Variants in CD1A observed in about 807,000 individuals in gnomAD.
The protein encoded by CD1A is T-cell surface glycoprotein CD1a.
CD1A carries 50 observed loss-of-function variants against 38.3 expected under a neutral mutation model. That is an observed-to-expected ratio of 1.30 (90% CI 1.04 to 1.65). CD1A has a LOEUF of 1.65. Ranked by LOEUF, CD1A falls within the 40% of genes most tolerant of loss-of-function variation. The pLI, the probability that CD1A is intolerant of heterozygous loss-of-function variation, is 0.00. For synonymous variants in CD1A, 160 were observed against 150.8 expected, an observed-to-expected ratio of 1.06 and a Z score of -0.45; for missense variants, 459 against 406.1, an observed-to-expected ratio of 1.13 and a Z score of -1.12.
At chr1:158,249,341 C>T in the CD1A span, among the ~76,000 whole-genome samples, 11 of 152,130 alleles carry the variant, frequency 7.2e-5, no homozygotes, top group Non-Finnish European at 1.5e-4. Context: ...AGTCCAAGAT[C>T]AAGGAAGATT....
rs141426527 is a variant in CD1A at position 158,257,016 on chromosome 1, C to G, written c.835C>G (p.Arg279Gly). Reference sequence around the variant, plus strand: ...TGGGGAGGCAGCTGACCTGTCCTGTCGGGTGAAGCACAGCAGTCTAGAGGG... The same window carrying G: ...TGGGGAGGCAGCTGACCTGTCCTGTGGGGTGAAGCACAGCAGTCTAGAGGG... ...AAGEAADLSC[R>G]VKHSSLEGQD... Residue 279 changes from arginine (R) to glycine (G), a missense_variant, in exon 4 of 6, where the codon CGG (arginine) becomes GGG (glycine). Transcript: ENST00000289429. 40 of 1,613,890 alleles carry G rather than the reference C, an allele frequency of 2.5e-5. No individual in the cohort carries two copies. The African/African-American group carries it at 4.5e-4, about 18-fold the overall frequency.
In CD1A at chr1:158,256,209, T is replaced by A. The variant is rs369560490; in HGVS notation, c.531T>A (p.Asn177Lys). The A allele has an allele frequency of 1.3e-5, 21 of 1,613,990 alleles. No individual in the cohort carries two copies. In the Middle Eastern group the frequency reaches 1.5e-3, roughly 114 times the overall value. Residue 177 changes from asparagine to lysine, a missense_variant, in exon 3 of 6, where the codon AAT becomes AAA. By Grantham distance (94) the Asn-to-Lys change is moderately conservative. Coordinates refer to ENST00000289429, the MANE Select transcript of CD1A (RefSeq NM_001763.3). ...AGCATGAAAATGACATAACACACAA[T>A]CTTCTCAGTGACACCTGCCCACGTT... ...QNQHENDITH[N>K]LLSDTCPRFI...
upstream of CD1A, among the ~76,000 whole-genome samples, chr1:158,251,088 GTATGT>G (rs774574232): frequency 3.3e-4 from 50 of 152,282 alleles, no homozygotes; most frequent in Non-Finnish European, 6.5e-4. Flanking sequence ...CATATATTTT[GTATGT>G]TATATGTATT....
chr1:158,254,401 A>G (rs759317988), upstream of CD1A: 101 of 1,300,906 alleles, frequency 7.8e-5, no homozygotes, highest in Admixed American at 4.0e-4. Flanking sequence ...GTTCCATAGC[A>G]GTTGAATTAG....
rs1253159682 is a variant in CD1A, at chr1:158,255,333, A to T, written c.308A>T (p.His103Leu). 1.2e-6 allele frequency: 2 copies of T among 1,613,964 alleles called. No individual in the cohort carries two copies. Among genetic ancestry groups the T allele is most frequent in the Non-Finnish European group, 1.7e-6 (2 of 1,179,852 alleles). ...TTTGAGGGAATTCGTAGATACGCCC[A>T]TGAATTGCAGTTTGAATGTGAGTTC... ...RSFEGIRRYA[H>L]ELQFEYPFEI... Residue 103 changes from histidine (H) to leucine (L), a missense_variant, in exon 2 of 6, where the codon CAT becomes CTT. His to Leu is a moderately conservative substitution (Grantham distance 99, BLOSUM62 -3). Coordinates refer to ENST00000289429, the MANE Select transcript of CD1A (RefSeq NM_001763.3).
rs375303462 is a variant in CD1A at position 158,256,127 on chromosome 1, C to T, written c.449C>T (p.Pro150Leu). Residue 150 changes from proline (P) to leucine (L), a missense_variant, in exon 3 of 6, where the codon CCA (proline) becomes CTA (leucine). Physicochemically the swap from Pro to Leu is moderately conservative, Grantham distance 98. Transcript: ENST00000289429. ...AGCTTCCAGAACAATTCATGGTTGC[C>T]ATATCCAGTGGCTGGGAATATGGCC... Reference protein sequence around the residue: ...FVSFQNNSWLPYPVAGNMAKH... With the variant: ...FVSFQNNSWLLYPVAGNMAKH... The T allele has an allele frequency of 6.6e-5, 106 of 1,614,022 alleles. No individual in the cohort carries two copies. The highest frequency in any genetic ancestry group is 8.8e-5 in the Non-Finnish European group (104 of 1,180,034).
rs1650174277 is a variant in CD1A, at chr1:158,254,521, A to C, written c.-149A>C. ...TGAGTAGGCATCTCAGGGTTTTTGAAGGAGTGGATTTTCTTTGTTGCAGTC... is the reference window on the plus strand; with the variant it reads ...TGAGTAGGCATCTCAGGGTTTTTGACGGAGTGGATTTTCTTTGTTGCAGTC... On this transcript the variant is annotated 5_prime_UTR_variant, in exon 1 of 6. Transcript: ENST00000289429. 2 of 1,490,906 alleles carry C rather than the reference A, an allele frequency of 1.3e-6. No homozygotes were observed. The highest frequency in any genetic ancestry group is 2.8e-5 in the African/African-American group (2 of 71,872). The allele number at this position is 1,490,906 out of a possible 1,614,324, so 92.4% of individuals were successfully genotyped here. A position where few individuals can be genotyped will look rare whatever the true frequency, so the allele number is the denominator to read the frequency against.
upstream of CD1A, among the ~76,000 whole-genome samples, chr1:158,250,749 C>G (rs539175053): frequency 6.6e-6 from 1 of 152,180 alleles, no homozygotes; most frequent in Non-Finnish European, 1.5e-5. Context: ...AGCTTTAGTG[C>G]CCTCATTTTG....
At chr1:158,250,819 C>T (rs1367607118), upstream of CD1A, among the ~76,000 whole-genome samples, 1 of 152,198 alleles carries the variant, frequency 6.6e-6, no homozygotes, top group Non-Finnish European at 1.5e-5. Flanking sequence ...GAGGGAGAAG[C>T]CTCATAAAGT....
chr1:158,256,645 G>A (rs868446690), intron 3 of CD1A, 141 bp from the exon 4 acceptor site: 16 of 962,322 alleles, frequency 1.7e-5, no homozygotes, highest in Middle Eastern at 3.3e-4. Context: ...CCACTGCATT[G>A]CAGCATAGTG....
upstream of CD1A, among the ~76,000 whole-genome samples, chr1:158,252,556 A>T (rs1234543303): frequency 6.6e-6 from 1 of 152,114 alleles, no homozygotes; most frequent in Non-Finnish European, 1.5e-5. Flanking sequence ...TCAAGTTATG[A>T]TTTTGATAAT....
At chr1:158,252,295 C>G (rs1650112034), upstream of CD1A, among the ~76,000 whole-genome samples, 1 of 152,104 alleles carries the variant, frequency 6.6e-6, no homozygotes, top group African/African-American at 2.4e-5. Context: ...TGGTGAGGTT[C>G]ATAGAAAAAG....
At position 158,257,060 on chromosome 1, in the gene CD1A, C is replaced by T. The variant is rs1558067427; in HGVS notation, c.879C>T (p.Tyr293=). 6.2e-7 allele frequency: 1 copy of T among 1,602,286 alleles called. No homozygotes were observed. The highest frequency in any genetic ancestry group is 8.5e-7 in the Non-Finnish European group (1 of 1,171,696). The part of the protein sequence containing the change: ...SSLEGQDIVL[Y]WEHHSSVGFI... ...TAGAGGGCCAGGACATCGTCCTCTA[C>T]TGGGGTGAGAAAAAGCTAAGGCCCA... The change falls in exon 4 of 6, where the codon TAC becomes TAT. Residue 293 remains tyrosine, a synonymous_variant. Coordinates refer to ENST00000289429, the MANE Select transcript of CD1A (RefSeq NM_001763.3).
At position 158,257,944 on chromosome 1, in the gene CD1A, G is replaced by T; in HGVS notation, c.*254G>T. The T allele has an allele frequency of 2.0e-6, 1 of 492,210 alleles. No homozygotes were observed. The highest frequency in any genetic ancestry group is 3.6e-6 in the Non-Finnish European group (1 of 275,352). The allele number at this position is 492,210 out of a possible 1,614,324, so 30.5% of individuals were successfully genotyped here. ...CAAATTTTATCTCCAGATGGAATGG[G>T]GTCCTAGCAACCTCCACATGTTCAA... On this transcript the variant is annotated 3_prime_UTR_variant, in exon 6 of 6. Transcript: ENST00000289429.
chr1:158,257,415 TCA>T lies in CD1A; in HGVS notation c.884-3_884-2del, dbSNP rs1448300850. ...TAACATCCTTGGTGTCTCCCCAAAT[TCA>T]CAGAGCATCACAGTTCCGTGGGCTT... On this transcript the variant is annotated splice_polypyrimidine_tract_variant and splice_region_variant and intron_variant, in intron 4 of 5. Coordinates refer to ENST00000289429, the MANE Select transcript of CD1A (RefSeq NM_001763.3). 6.8e-6 allele frequency: 11 copies of T among 1,609,680 alleles called. No individual in the cohort carries two copies. In the Admixed American group the frequency reaches 8.3e-5, roughly 12 times the overall value.
At chr1:158,255,966 AT>A (rs753262992) in intron 2 of CD1A, 37 bp from the exon 3 acceptor site, 13 of 1,575,462 alleles carry the variant, frequency 8.3e-6, no homozygotes, top group South Asian at 3.5e-5. Flanking sequence ...TTCATTTTAT[AT>A]TTTTTTCTCC....
At chr1:158,249,414 T>G in the CD1A span, among the ~76,000 whole-genome samples, 1 of 152,136 alleles carries the variant, frequency 6.6e-6, no homozygotes, top group African/African-American at 2.4e-5. Context: ...TGTCCTTACA[T>G]GGTGGAAGGG....
At chr1:158,255,035 C>A in intron 1 of CD1A, 49 bp from the exon 2 acceptor site, 1 of 1,588,248 alleles carries the variant, frequency 6.3e-7, no homozygotes, top group Non-Finnish European at 8.6e-7. Flanking sequence ...CTCTCTCCAT[C>A]CTCTTTCTCA....
intron 2 of CD1A, 126 bp downstream of exon 2, chr1:158,255,476 C>T: frequency 9.5e-7 from 1 of 1,047,394 alleles, no homozygotes; most frequent in Non-Finnish European, 1.4e-6. Context: ...CACCATAAAA[C>T]TGCAATTGCA....
Sources: gnomAD v4.1 joint callset for allele counts (sites outside exome capture counted in the v4.1 genomes callset) on GRCh38, gnomAD v4.1.1 for gene constraint, MANE v1.5 for transcripts, NCBI Gene and HGNC (gene_info 2026-07-23, HGNC 2026-07-21) for gene names.